PTPRO: variants seen among roughly 807,000 people sequenced by gnomAD.
The protein encoded by PTPRO is protein tyrosine phosphatase receptor type O, also known as receptor-type tyrosine-protein phosphatase O.
In PTPRO, 62 loss-of-function variants were observed where a neutral mutation model predicts 145.2. The ratio of observed to expected loss-of-function variants is 0.43; its 90% CI spans 0.35 to 0.53. The LOEUF (loss-of-function observed/expected upper bound fraction) is 0.53, where lower values mean the gene tolerates loss of function less well. Among genes scored for constraint, PTPRO ranks in the 20% least tolerant of loss-of-function variants. The probability of loss-of-function intolerance (pLI) is 0.01; values close to 1 mark genes in which losing one functional copy is unlikely to be tolerated. For synonymous variants in PTPRO, 565 were observed against 514.7 expected (o/e 1.10, Z -1.32); for missense variants, 1,345 against 1,482.7 (o/e 0.91, Z 1.53).
At chr12:15,380,617 C>T (rs11833421) in intron 1 of PTPRO, among the ~76,000 whole-genome samples, 18 of 152,260 alleles carry the variant, frequency 1.2e-4, no homozygotes, top group African/African-American at 4.3e-4. Context: ...TGGAATTTTG[C>T]TAGTGGCCCA....
chr12:15,456,078 A>C (rs1425740717), intron 1 of PTPRO, among the ~76,000 whole-genome samples: 1 of 152,234 alleles, frequency 6.6e-6, no homozygotes, highest in Non-Finnish European at 1.5e-5. Context: ...TTCCATTTTC[A>C]GCATTGAGTA....
chr12:15,569,090 C>T (rs1202514766), intron 18 of PTPRO, among the ~76,000 whole-genome samples: 1 of 152,110 alleles, frequency 6.6e-6, no homozygotes, highest in Non-Finnish European at 1.5e-5. Flanking sequence ...TGTTATTTTC[C>T]ATATGCCAGA....
intron 1 of PTPRO, among the ~76,000 whole-genome samples, chr12:15,457,261 G>C (rs974103584): frequency 3.9e-5 from 6 of 152,134 alleles, no homozygotes; most frequent in African/African-American, 1.4e-4. Flanking sequence ...GCCAATACTG[G>C]CTTCTTTTCT....
At chr12:15,514,374 C>T (rs972645079) in intron 7 of PTPRO, among the ~76,000 whole-genome samples, 4 of 151,256 alleles carry the variant, frequency 2.6e-5, no homozygotes, top group Admixed American at 2.0e-4. Flanking sequence ...AATGCTTGAA[C>T]CCGGGAGGTG....
chr12:15,587,840 A>G (rs575499105), intron 24 of PTPRO, among the ~76,000 whole-genome samples: 1 of 152,354 alleles, frequency 6.6e-6, no homozygotes, highest in African/African-American at 2.4e-5. Context: ...GAAGGGAAGC[A>G]TTGGCAGCCA....
At chr12:15,523,553 T>A (rs1423929172) in intron 10 of PTPRO, among the ~76,000 whole-genome samples, 1 of 152,092 alleles carries the variant, frequency 6.6e-6, no homozygotes. Flanking sequence ...GATGGGTGGA[T>A]TGCTTGAGCC....
chr12:15,486,778 T>G (rs1217667038), intron 2 of PTPRO, among the ~76,000 whole-genome samples: 2 of 151,742 alleles, frequency 1.3e-5, no homozygotes, highest in Non-Finnish European at 2.9e-5. Flanking sequence ...ATGTAGCTAG[T>G]TGCTACCAAT....
At chr12:15,373,290 A>G (rs568226636) in intron 1 of PTPRO, among the ~76,000 whole-genome samples, 105 of 152,184 alleles carry the variant, frequency 6.9e-4, no homozygotes, top group Non-Finnish European at 1.3e-3. Context: ...TGTGAGCAGC[A>G]TACTATAGGA....
intron 8 of PTPRO, 132 bp downstream of exon 8, chr12:15,515,750 C>T: frequency 8.4e-7 from 1 of 1,193,722 alleles, no homozygotes. Context: ...ATGCTACCTT[C>T]AGAGTAATAA....
intron 1 of PTPRO, among the ~76,000 whole-genome samples, chr12:15,434,147 C>A (rs78253992): frequency 0.029 from 4,430 of 152,262 alleles, 235 homozygotes; most frequent in African/African-American, 0.1. Context: ...AGTTATATCC[C>A]ATATTTCTAG....
intron 7 of PTPRO, among the ~76,000 whole-genome samples, chr12:15,512,578 G>A (rs1342564945): frequency 2.6e-5 from 4 of 152,166 alleles, no homozygotes; most frequent in Admixed American, 2.6e-4. Context: ...CTTTTATTGG[G>A]TGAGCAATTT....
chr12:15,438,929 A>G lies in PTPRO; in HGVS notation c.76-45045A>G, dbSNP rs190776050. On this transcript the variant is annotated intron_variant, in intron 1 of 26. Transcript: ENST00000281171. Reference sequence around the variant, plus strand: ...AAACCATGTAGTCACCAGATTGAGCAAGGTCAACGCTAAAGAAAAAATCTT... The same window carrying G: ...AAACCATGTAGTCACCAGATTGAGCGAGGTCAACGCTAAAGAAAAAATCTT... Among the ~76,000 whole-genome samples the G allele has an allele frequency of 3.2e-3, 484 of 152,322 alleles. 4 individuals are homozygous for G. Among genetic ancestry groups the G allele is most frequent in the African/African-American group, 0.011 (450 of 41,568 alleles).
At chr12:15,325,967 A>C (rs1866434081) in intron 1 of PTPRO, among the ~76,000 whole-genome samples, 1 of 152,172 alleles carries the variant, frequency 6.6e-6, no homozygotes, top group African/African-American at 2.4e-5. Context: ...AAGAATATCA[A>C]ATTTAAAAAG....
At position 15,361,689 on chromosome 12, in the gene PTPRO, A is replaced by C. The variant is rs529294007; in HGVS notation, c.75+38888A>C. Among the ~76,000 whole-genome samples the C allele has an allele frequency of 2.0e-5, 3 of 152,262 alleles. No individual in the cohort carries two copies. In the South Asian group the frequency reaches 6.2e-4, roughly 32 times the overall value. ...AGCAGAATGACTAAATGAATGAATG[A>C]ATTTTAAAATTGAGTTAGTTATGTG... On this transcript the variant is annotated intron_variant, in intron 1 of 26. Transcript: ENST00000281171.
chr12:15,417,812 T>A (rs145343492), intron 1 of PTPRO, among the ~76,000 whole-genome samples: 12 of 151,896 alleles, frequency 7.9e-5, no homozygotes, highest in Admixed American at 1.3e-4. Context: ...CGCCAGGGCC[T>A]TTAATACTAG....
At chr12:15,451,298 CAT>C (rs576427811) in intron 1 of PTPRO, among the ~76,000 whole-genome samples, 8 of 150,260 alleles carry the variant, frequency 5.3e-5, no homozygotes, top group Non-Finnish European at 5.9e-5. Flanking sequence ...ATCCTATATA[CAT>C]ATATATATAT....
intron 17 of PTPRO, among the ~76,000 whole-genome samples, chr12:15,561,613 G>A (rs188631280): frequency 3.9e-5 from 6 of 152,144 alleles, no homozygotes; most frequent in Admixed American, 2.0e-4. Context: ...AGTCAACTCC[G>A]TATTTTCAGT....
At chr12:15,570,254 T>C (rs1944012516) in intron 19 of PTPRO, among the ~76,000 whole-genome samples, 1 of 152,132 alleles carries the variant, frequency 6.6e-6, no homozygotes, top group Non-Finnish European at 1.5e-5. Context: ...CAGGTTTCTA[T>C]AGCATGGCTT....
chr12:15,578,336 C>T (rs868156413), intron 19 of PTPRO, among the ~76,000 whole-genome samples: 3 of 152,120 alleles, frequency 2.0e-5, no homozygotes, highest in African/African-American at 7.2e-5. Flanking sequence ...ATATTTCATA[C>T]CCTGAGTGTT....
Sources: gnomAD v4.1 joint callset for allele counts (sites outside exome capture counted in the v4.1 genomes callset) on GRCh38, gnomAD v4.1.1 for gene constraint, MANE v1.5 for transcripts, NCBI Gene and HGNC (gene_info 2026-07-23, HGNC 2026-07-21) for gene names.